SHTN1: variants seen among roughly 807,000 people sequenced by gnomAD.
SHTN1 encodes shootin-1.
In SHTN1, 42 loss-of-function variants were observed where a neutral mutation model predicts 83.1. The observed-to-expected ratio is 0.51, with a 90% CI of 0.39 to 0.65. The LOEUF (loss-of-function observed/expected upper bound fraction) is 0.65. SHTN1 is among the 30% of genes least tolerant of loss of function. The pLI is 0.00. For synonymous variants in SHTN1, 224 were observed against 247.7 expected (o/e 0.90, Z 0.90); for missense variants, 622 against 737.8 (o/e 0.84, Z 1.82).
chr10:117,075,038 T>C (rs927646501), intron 1 of SHTN1, among the ~76,000 whole-genome samples: 2 of 152,166 alleles, frequency 1.3e-5, no homozygotes, highest in Non-Finnish European at 2.9e-5. Flanking sequence ...AATAAAACAA[T>C]ACAGATATAA....
chr10:117,044,218 A>ATAC (rs1852628710), intron 2 of SHTN1, among the ~76,000 whole-genome samples: 1 of 152,140 alleles, frequency 6.6e-6, no homozygotes, highest in South Asian at 2.1e-4. Flanking sequence ...TGGAAATGTT[A>ATAC]ATACATATTC....
upstream of SHTN1, among the ~76,000 whole-genome samples, chr10:117,009,684 C>T (rs569624518): frequency 1.2e-4 from 19 of 152,170 alleles, no homozygotes; most frequent in African/African-American, 4.1e-4. Flanking sequence ...ACGGGCAGAT[C>T]ACGAGGTCAG....
rs1281208670 is a variant in SHTN1 at position 116,886,268 on chromosome 10, C to A, written c.*76G>T. ...GTGACCAGAGCAGAATGTCTACAGC[C>A]CTTGCCAATATAACAACACTAATCA... On this transcript the variant is annotated 3_prime_UTR_variant, in exon 17 of 17. Transcript: ENST00000355371. 28 of 1,541,450 alleles carry A rather than the reference C, an allele frequency of 1.8e-5. No individual in the cohort carries two copies. Among genetic ancestry groups the A allele is most frequent in the Non-Finnish European group, 2.4e-5 (27 of 1,139,908 alleles).
chr10:116,893,576 G>GCACACACACACACA lies in SHTN1; in HGVS notation c.1674-7024_1674-7011dup, dbSNP rs6144113. On this transcript the variant is annotated intron_variant, in intron 16 of 16. Coordinates refer to ENST00000355371, the MANE Select transcript of SHTN1 (RefSeq NM_001127211.3). ...CCCCCTCCCTGATAGGCACTCATGTGCACACACACACACACACACACGAGA... is the reference window on the plus strand; with the variant it reads ...CCCCCTCCCTGATAGGCACTCATGTGCACACACACACACACACACACACACACACACACACGAGA... Among the ~76,000 whole-genome samples the GCACACACACACACA allele has an allele frequency of 4.1e-3, 511 of 123,594 alleles. 9 individuals are homozygous for GCACACACACACACA. Among genetic ancestry groups the GCACACACACACACA allele is most frequent in the Non-Finnish European group, 4.7e-3 (285 of 60,688 alleles). The allele number at this position is 123,594 out of a possible 152,430, so 81.1% of individuals were successfully genotyped here.
At chr10:117,105,944 G>T (rs1440409348) in intron 1 of SHTN1, among the ~76,000 whole-genome samples, 1 of 151,844 alleles carries the variant, frequency 6.6e-6, no homozygotes, top group Non-Finnish European at 1.5e-5. Flanking sequence ...AGCCTGACAG[G>T]TCGAGGCTGA....
intron 16 of SHTN1, among the ~76,000 whole-genome samples, chr10:116,897,272 A>G (rs1247501206): frequency 6.6e-6 from 1 of 152,218 alleles, no homozygotes; most frequent in Non-Finnish European, 1.5e-5. Flanking sequence ...TTAAAAATTA[A>G]TTATTTTACA....
chr10:117,039,637 A>AG (rs1317619005), intron 2 of SHTN1, among the ~76,000 whole-genome samples: 2 of 152,048 alleles, frequency 1.3e-5, no homozygotes, highest in Admixed American at 1.3e-4. Context: ...GCAGATCACG[A>AG]GGTCAGGAGA....
At chr10:117,105,599 C>T (rs533478232) in intron 1 of SHTN1, among the ~76,000 whole-genome samples, 7 of 152,270 alleles carry the variant, frequency 4.6e-5, no homozygotes, top group East Asian at 1.9e-4. Flanking sequence ...GTTTTACAAA[C>T]GTAGTCCAAA....
At chr10:117,030,119 C>G (rs1852391096) in intron 2 of SHTN1, among the ~76,000 whole-genome samples, 1 of 152,086 alleles carries the variant, frequency 6.6e-6, no homozygotes, top group Non-Finnish European at 1.5e-5. Context: ...GATCTCTTGA[C>G]CTCGTGATCT....
intron 2 of SHTN1, among the ~76,000 whole-genome samples, chr10:117,027,907 G>C (rs140401535): frequency 2.8e-4 from 42 of 152,306 alleles, no homozygotes; most frequent in African/African-American, 9.4e-4. Flanking sequence ...CTTTGGAACT[G>C]GGTAATGTGC....
intron 14 of SHTN1, among the ~76,000 whole-genome samples, chr10:116,909,166 A>G (rs1038178607): frequency 5.3e-5 from 8 of 152,222 alleles, no homozygotes; most frequent in East Asian, 1.9e-4. Flanking sequence ...AGGTCCCACA[A>G]TAAGTCATTG....
At chr10:117,020,441 A>C (rs1400690451) in intron 2 of SHTN1, among the ~76,000 whole-genome samples, 1 of 151,064 alleles carries the variant, frequency 6.6e-6, no homozygotes, top group Non-Finnish European at 1.5e-5. Context: ...CAGAGGTTGC[A>C]GTGAGCTGAG....
rs1423820773 is a variant in SHTN1, at chr10:117,018,064, CA to C, written c.-123+30380del. 7.9e-5 allele frequency among the ~76,000 whole-genome samples: 12 copies of C among 152,222 alleles called. No homozygotes were observed. The East Asian group carries it at 2.3e-3, about 29-fold the overall frequency. On this transcript the variant is annotated intron_variant, in intron 2 of 17. Transcript: ENST00000392901. ...CACAGACCAGAAGGGACTAAGCAGA[CA>C]TGATGACTACAATTGATGTAGTATT...
intron 2 of SHTN1, among the ~76,000 whole-genome samples, chr10:117,038,955 T>C (rs1589906910): frequency 6.6e-6 from 1 of 152,316 alleles, no homozygotes; most frequent in East Asian, 1.9e-4. Flanking sequence ...AAACTAAACA[T>C]ACTCCTACCA....
chr10:117,003,770 A>C (rs534018438), intron 1 of SHTN1, among the ~76,000 whole-genome samples: 1 of 152,220 alleles, frequency 6.6e-6, no homozygotes, highest in Non-Finnish European at 1.5e-5. Flanking sequence ...AGGTTTTGCC[A>C]CAGAGCAGGG....
intron 3 of SHTN1, among the ~76,000 whole-genome samples, chr10:116,964,242 TCTTTACATGTGTTCCCTC>T: frequency 1.3e-5 from 2 of 152,280 alleles, no homozygotes; most frequent in Middle Eastern, 6.8e-3. Flanking sequence ...TGTGCTAAAC[TCTTTACATGTGTTCCCTC>T]CTTCACAAAG....
Position 116,929,970 on chromosome 10 carries a change from T to A in SHTN1, c.891A>T (p.Glu297Asp). Residue 297 changes from glutamate (E) to aspartate (D), a missense_variant, in exon 10 of 17, where the codon GAA becomes GAT. Glu to Asp is a conservative substitution (Grantham distance 45, BLOSUM62 2). Around this residue, in one of 3 missense-constraint regions of SHTN1, gnomAD observed 383 missense variants for 455.8 expected, o/e 0.84. Coordinates refer to ENST00000355371, the MANE Select transcript of SHTN1 (RefSeq NM_001127211.3). Reference protein sequence around the residue: ...VKELEEQLENETLHKEIHNLK... With the variant: ...VKELEEQLENDTLHKEIHNLK... ...GGTTGTGTATTTCTTTGTGGAGTGT[T>A]TCATTTTCTAGTTGCTCTTCTAATT... The A allele has an allele frequency of 6.2e-7, 1 of 1,600,024 alleles. No homozygotes were observed. The highest frequency in any genetic ancestry group is 1.3e-5 in the African/African-American group (1 of 74,244).
At chr10:117,029,805 C>T (rs1205842882) in intron 2 of SHTN1, among the ~76,000 whole-genome samples, 1 of 151,980 alleles carries the variant, frequency 6.6e-6, no homozygotes, top group Non-Finnish European at 1.5e-5. Context: ...CCTGTATAGC[C>T]TGTGATACCA....
At chr10:117,054,962 A>G (rs889286580) in intron 1 of SHTN1, among the ~76,000 whole-genome samples, 7 of 152,112 alleles carry the variant, frequency 4.6e-5, no homozygotes, top group African/African-American at 1.7e-4. Context: ...ATAAAGAACT[A>G]CCTGAGACTG....
Sources: allele counts gnomAD v4.1 joint callset (sites outside exome capture counted in the v4.1 genomes callset), GRCh38; gene constraint gnomAD v4.1.1; regional missense constraint gnomAD v4.1.1; transcripts MANE v1.5; gene names NCBI Gene and HGNC (gene_info 2026-07-23, HGNC 2026-07-21).